ELF1: variants seen among roughly 807,000 people sequenced by gnomAD.
The protein encoded by ELF1 is ETS-related transcription factor Elf-1.
A neutral mutation model predicts 59.9 loss-of-function variants in ELF1; 24 were observed. The ratio of observed to expected loss-of-function variants is 0.40; its 90% confidence interval spans 0.29 to 0.56. The LOEUF (loss-of-function observed/expected upper bound fraction) is 0.56. ELF1 is among the 20% of genes least tolerant of loss of function. The pLI is 0.44. For synonymous variants in ELF1, 248 were observed against 266.2 expected (o/e 0.93, Z 0.67); for missense variants, 627 against 742.2 (o/e 0.84, Z 1.80).
intron 2 of ELF1, among the ~76,000 whole-genome samples, chr13:40,965,088 T>A (rs1456385154): frequency 1.3e-5 from 2 of 152,240 alleles, no homozygotes; most frequent in African/African-American, 4.8e-5. Flanking sequence ...TTGTTCCCTC[T>A]GCCCGAAATA....
intron 5 of ELF1, among the ~76,000 whole-genome samples, chr13:40,944,321 A>G (rs1870372180): frequency 6.6e-6 from 1 of 152,204 alleles, no homozygotes; most frequent in South Asian, 2.1e-4. Flanking sequence ...CTGCCTATTA[A>G]TTATACAAGC....
At chr13:40,955,046 G>A (rs1340672132) in intron 3 of ELF1, among the ~76,000 whole-genome samples, 53 of 149,704 alleles carry the variant, frequency 3.5e-4, no homozygotes, top group African/African-American at 9.4e-4. Flanking sequence ...TGTGGGGAGC[G>A]CCTCTGCCCT....
At chr13:41,043,920 C>T (rs1266349093) in intron 1 of ELF1, among the ~76,000 whole-genome samples, 2 of 152,156 alleles carry the variant, frequency 1.3e-5, no homozygotes, top group African/African-American at 4.8e-5. Flanking sequence ...TTGATTCTGC[C>T]TATCCATGAG....
intron 1 of ELF1, among the ~76,000 whole-genome samples, chr13:41,057,105 T>C (rs1369787964): frequency 6.6e-6 from 1 of 152,150 alleles, no homozygotes; most frequent in Non-Finnish European, 1.5e-5. Context: ...TCTACTTCTT[T>C]AAATACCAGC....
intron 1 of ELF1, among the ~76,000 whole-genome samples, chr13:41,025,118 T>TAAA (rs201486832): frequency 0.068 from 10,338 of 152,272 alleles, 739 homozygotes; most frequent in East Asian, 0.23. Context: ...CAATCTGACT[T>TAAA]TAATTTCCCT....
At chr13:40,970,663 T>C (rs1204597344) in intron 2 of ELF1, among the ~76,000 whole-genome samples, 1 of 152,236 alleles carries the variant, frequency 6.6e-6, no homozygotes, top group East Asian at 1.9e-4. Context: ...GAAAACATAC[T>C]TGTCTCTATT....
chr13:41,021,039 A>C (rs1363969761), upstream of ELF1, among the ~76,000 whole-genome samples: 1 of 152,226 alleles, frequency 6.6e-6, no homozygotes, highest in Non-Finnish European at 1.5e-5. Context: ...CCATTATATA[A>C]GGTCAGTAAG....
chr13:41,047,532 G>T (rs1566200029), intron 1 of ELF1, among the ~76,000 whole-genome samples: 1 of 152,328 alleles, frequency 6.6e-6, no homozygotes, highest in South Asian at 2.1e-4. Context: ...GTTGGAGTTT[G>T]CTGGAGGTCC....
chr13:40,999,308 A>C (rs1830973110), intron 1 of ELF1, among the ~76,000 whole-genome samples: 1 of 152,200 alleles, frequency 6.6e-6, no homozygotes. Flanking sequence ...TGTGGGAACT[A>C]AACTGAACCT....
chr13:40,951,235 A>G, intron 4 of ELF1, 94 bp downstream of exon 4: 1 of 1,028,408 alleles, frequency 9.7e-7, no homozygotes, highest in Non-Finnish European at 1.4e-6. Context: ...AAAAATATAT[A>G]ACATCATTTC....
intron 1 of ELF1, among the ~76,000 whole-genome samples, chr13:41,035,837 A>T (rs950267188): frequency 1.4e-5 from 2 of 145,782 alleles, no homozygotes; most frequent in African/African-American, 2.6e-5. Flanking sequence ...ACTTCTTGTT[A>T]AAAAAAAAAC....
At chr13:41,036,291 C>T (rs1459117025) in intron 1 of ELF1, among the ~76,000 whole-genome samples, 1 of 152,144 alleles carries the variant, frequency 6.6e-6, no homozygotes, top group Non-Finnish European at 1.5e-5. Context: ...AGATTTTAGA[C>T]TCTGGCTTTA....
intron 1 of ELF1, among the ~76,000 whole-genome samples, chr13:41,011,724 T>G (rs1192417876): frequency 6.6e-6 from 1 of 151,994 alleles, no homozygotes; most frequent in East Asian, 1.9e-4. Flanking sequence ...GATTACAGGC[T>G]TGAGCCACCG....
chr13:40,943,264 G>C (rs990837076), intron 6 of ELF1, 120 bp from the exon 7 acceptor site: 2 of 855,678 alleles, frequency 2.3e-6, no homozygotes, highest in Non-Finnish European at 3.3e-6. Flanking sequence ...ACATAATTCA[G>C]TTAGTATTGG....
intron 4 of ELF1, among the ~76,000 whole-genome samples, chr13:40,950,206 A>G (rs1870765849): frequency 6.6e-6 from 1 of 152,160 alleles, no homozygotes; most frequent in South Asian, 2.1e-4. Context: ...AGTCTGTCTC[A>G]TCTCTCCTCT....
At chr13:40,955,782 A>G (rs1871340678) in intron 3 of ELF1, among the ~76,000 whole-genome samples, 1 of 47,880 alleles carries the variant, frequency 2.1e-5, no homozygotes, top group Admixed American at 1.6e-4. Flanking sequence ...CGGGGGGGTC[A>G]GCCCCCCGCC....
chr13:41,026,720 T>C (rs1057088917), intron 1 of ELF1, among the ~76,000 whole-genome samples: 1 of 152,164 alleles, frequency 6.6e-6, no homozygotes, highest in African/African-American at 2.4e-5. Flanking sequence ...AAGTGGGTGT[T>C]ACCTGACCCA....
chr13:40,936,174 A>G (rs964036422), intron 8 of ELF1, among the ~76,000 whole-genome samples: 1 of 152,068 alleles, frequency 6.6e-6, no homozygotes, highest in Non-Finnish European at 1.5e-5. Context: ...CCAGTTAGAG[A>G]AGAAGAGAGG....
intron 1 of ELF1, chr13:40,993,299 T>G: frequency 6.5e-7 from 1 of 1,550,354 alleles, no homozygotes; most frequent in Non-Finnish European, 8.9e-7. Context: ...ACAGCAGGTG[T>G]TCCTTCATTT....
Sources: gnomAD v4.1 joint callset for allele counts (sites outside exome capture counted in the v4.1 genomes callset) on GRCh38, gnomAD v4.1.1 for gene constraint, MANE v1.5 for transcripts, NCBI Gene and HGNC (gene_info 2026-07-23, HGNC 2026-07-21) for gene names.